The following SCFD2 variants were observed in gnomAD, a reference collection of about 807,000 sequenced individuals.
SCFD2 encodes sec1 family domain-containing protein 2.
In SCFD2, 54 loss-of-function variants were observed where a neutral mutation model predicts 58.9. The observed-to-expected ratio is 0.92, with a 90% CI of 0.74 to 1.15. The LOEUF (loss-of-function observed/expected upper bound fraction) is 1.15, where lower values mean the gene tolerates loss of function less well. Ranked by LOEUF, SCFD2 falls within the 50% of genes most tolerant of loss-of-function variation. The pLI is 0.00. For synonymous variants in SCFD2, 321 were observed against 335.9 expected, an observed-to-expected ratio of 0.96 and a Z score of 0.49; for missense variants, 805 against 836.6, an observed-to-expected ratio of 0.96 and a Z score of 0.47.
At chr4:53,307,315 T>C (rs1427444190) in intron 3 of SCFD2, among the ~76,000 whole-genome samples, 2 of 152,182 alleles carry the variant, frequency 1.3e-5, no homozygotes, top group Non-Finnish European at 2.9e-5. Flanking sequence ...GCTTAGACAT[T>C]TGGATACTAT....
At chr4:53,344,676 A>G in intron 2 of SCFD2, among the ~76,000 whole-genome samples, 1 of 152,252 alleles carries the variant, frequency 6.6e-6, no homozygotes, top group East Asian at 1.9e-4. Context: ...AGCTGGAGAC[A>G]TCACACTACC....
At chr4:53,177,735 G>C (rs1382349796) in intron 4 of SCFD2, among the ~76,000 whole-genome samples, 1 of 152,192 alleles carries the variant, frequency 6.6e-6, no homozygotes, top group African/African-American at 2.4e-5. Context: ...AAAGGGGTCA[G>C]GGAATTCCCT....
chr4:53,329,049 C>T (rs1208980038), intron 2 of SCFD2, among the ~76,000 whole-genome samples: 1 of 152,222 alleles, frequency 6.6e-6, no homozygotes, highest in African/African-American at 2.4e-5. Context: ...GGTTAAAAAA[C>T]GGCACACCAC....
chr4:52,873,835 G>T lies in SCFD2; in HGVS notation c.*134C>A. On this transcript the variant is annotated 3_prime_UTR_variant, in exon 9 of 9. Coordinates refer to ENST00000401642, the MANE Select transcript of SCFD2 (RefSeq NM_152540.4). Reference sequence around the variant, plus strand: ...AAGTACCTCACTGAGTAGGTATCAAGACCCTTCAGGCAGAATTCCATCATT... The same window carrying T: ...AAGTACCTCACTGAGTAGGTATCAATACCCTTCAGGCAGAATTCCATCATT... 1.7e-6 allele frequency: 1 copy of T among 595,624 alleles called. No individual in the cohort carries two copies. Among genetic ancestry groups the T allele is most frequent in the Non-Finnish European group, 3.1e-6 (1 of 323,314 alleles). The allele number at this position is 595,624 out of a possible 1,614,324, so 36.9% of individuals were successfully genotyped here.
rs542287606 is a variant in SCFD2, at chr4:53,172,205, T to C, written c.1312-26623A>G. On this transcript the variant is annotated intron_variant, in intron 4 of 8. Transcript: ENST00000401642. ...TATTTTTAGTAGACAGGTTTTCACCTTGTTGGCCAGGATGGTCTCAATCTC... is the reference window on the plus strand; with the variant it reads ...TATTTTTAGTAGACAGGTTTTCACCCTGTTGGCCAGGATGGTCTCAATCTC... Among the ~76,000 whole-genome samples the C allele has an allele frequency of 5.3e-4, 80 of 151,920 alleles. 1 individual carries two copies. The highest frequency in any genetic ancestry group is 8.3e-4 in the South Asian group (4 of 4,802).
At chr4:53,211,900 G>A (rs1299014272) in intron 4 of SCFD2, among the ~76,000 whole-genome samples, 1 of 152,010 alleles carries the variant, frequency 6.6e-6, no homozygotes, top group Non-Finnish European at 1.5e-5. Context: ...ATGTAAAGGG[G>A]TCCTATGACC....
At chr4:52,966,304 C>T (rs1280649790) in intron 5 of SCFD2, among the ~76,000 whole-genome samples, 1 of 152,216 alleles carries the variant, frequency 6.6e-6, no homozygotes, top group Non-Finnish European at 1.5e-5. Context: ...ATGACATTCT[C>T]CTGTGCATGT....
chr4:53,042,487 C>G (rs1463375323), intron 5 of SCFD2, among the ~76,000 whole-genome samples: 1 of 151,988 alleles, frequency 6.6e-6, no homozygotes, highest in Non-Finnish European at 1.5e-5. Context: ...CTTTCTCAGT[C>G]CAGTAGAGAA....
At chr4:53,076,152 A>G (rs981962979) in intron 5 of SCFD2, among the ~76,000 whole-genome samples, 9 of 152,160 alleles carry the variant, frequency 5.9e-5, no homozygotes. Context: ...TAATTTTCAT[A>G]TATTACAAGA....
intron 5 of SCFD2, among the ~76,000 whole-genome samples, chr4:52,929,720 G>A (rs1719945078): frequency 6.6e-6 from 1 of 152,138 alleles, no homozygotes; most frequent in South Asian, 2.1e-4. Flanking sequence ...ACTGGGACAA[G>A]CAGCCCTTTG....
chr4:53,043,748 T>C (rs1488009340), intron 5 of SCFD2, among the ~76,000 whole-genome samples: 1 of 152,176 alleles, frequency 6.6e-6, no homozygotes. Flanking sequence ...ATGGAGAATA[T>C]TTGGGTACTT....
chr4:53,337,831 G>T lies in SCFD2; in HGVS notation c.1007+14767C>A, dbSNP rs145428081. On this transcript the variant is annotated intron_variant, in intron 2 of 8. Coordinates refer to ENST00000401642, the MANE Select transcript of SCFD2 (RefSeq NM_152540.4). Reference sequence around the variant, plus strand: ...GTATACACTATATGATTCAATTTGTGCATTTCTCAATTTTATAAACATTAT... The same window carrying T: ...GTATACACTATATGATTCAATTTGTTCATTTCTCAATTTTATAAACATTAT... Among the ~76,000 whole-genome samples, 531 of 152,194 alleles carry T rather than the reference G, an allele frequency of 3.5e-3. 5 individuals are homozygous for T. Among genetic ancestry groups the T allele is most frequent in the African/African-American group, 0.012 (503 of 41,496 alleles).
chr4:52,961,010 T>A (rs1003590633), intron 5 of SCFD2, among the ~76,000 whole-genome samples: 4 of 152,116 alleles, frequency 2.6e-5, no homozygotes, highest in African/African-American at 9.7e-5. Flanking sequence ...AGCGGGACCT[T>A]GCAGGAGAGG....
chr4:53,093,227 A>G (rs59382030), intron 5 of SCFD2, among the ~76,000 whole-genome samples: 3,963 of 152,258 alleles, frequency 0.026, 168 homozygotes, highest in African/African-American at 0.091. Context: ...ACCAGTGCCC[A>G]AAACAGTGAC....
intron 4 of SCFD2, among the ~76,000 whole-genome samples, chr4:53,205,516 A>G (rs1265926187): frequency 6.6e-6 from 1 of 152,132 alleles, no homozygotes; most frequent in Non-Finnish European, 1.5e-5. Context: ...AAGCAACAAC[A>G]AACCACAAAA....
intron 5 of SCFD2, among the ~76,000 whole-genome samples, chr4:53,014,812 C>A (rs764910798): frequency 3.3e-5 from 5 of 152,268 alleles, no homozygotes; most frequent in Non-Finnish European, 7.4e-5. Flanking sequence ...CTTAAATGCA[C>A]CTTTTGAAAA....
chr4:53,336,908 T>C (rs1733701934), intron 2 of SCFD2, among the ~76,000 whole-genome samples: 1 of 152,114 alleles, frequency 6.6e-6, no homozygotes, highest in Non-Finnish European at 1.5e-5. Flanking sequence ...TTGAAGCCTG[T>C]GTATTTGGAG....
At chr4:53,035,951 T>C (rs1382366056) in intron 5 of SCFD2, among the ~76,000 whole-genome samples, 1 of 152,108 alleles carries the variant, frequency 6.6e-6, no homozygotes, top group Non-Finnish European at 1.5e-5. Context: ...AGAAATACCA[T>C]TGACCCAGCA....
intron 4 of SCFD2, among the ~76,000 whole-genome samples, chr4:53,257,151 A>T (rs1477816274): frequency 6.6e-6 from 1 of 152,102 alleles, no homozygotes; most frequent in African/African-American, 2.4e-5. Flanking sequence ...CCTTTAATAC[A>T]GATAGAGAGG....
Sources: gnomAD v4.1 joint callset for allele counts (sites outside exome capture counted in the v4.1 genomes callset) on GRCh38, gnomAD v4.1.1 for gene constraint, MANE v1.5 for transcripts, NCBI Gene and HGNC (gene_info 2026-07-23, HGNC 2026-07-21) for gene names.